Variants in COMMD10 observed in about 807,000 individuals in gnomAD.
COMMD10 encodes COMM domain-containing protein 10.
Under a neutral mutation model 28.9 loss-of-function variants are expected in COMMD10, and 33 were observed. That is an observed-to-expected ratio of 1.14 (90% CI 0.87 to 1.53). The LOEUF (loss-of-function observed/expected upper bound fraction) is 1.53. Ranked by LOEUF, COMMD10 falls within the 40% of genes most tolerant of loss-of-function variation. The pLI is 0.00. For synonymous variants in COMMD10, 110 were observed against 81.7 expected (o/e 1.35, Z -1.87); for missense variants, 310 against 233.4 (o/e 1.33, Z -2.14).
At position 116,195,266 on chromosome 5, in the gene COMMD10, ACCTACTCTC is replaced by A. The variant is rs375631215; in HGVS notation, c.510+61096_510+61104del. Among the ~76,000 whole-genome samples the A allele has an allele frequency of 1.6e-3, 236 of 152,224 alleles. 1 individual carries two copies. The highest frequency in any genetic ancestry group is 5.3e-3 in the African/African-American group (220 of 41,556). On this transcript the variant is annotated intron_variant, in intron 5 of 6. Transcript: ENST00000274458. ...CTGAGAACTGGAACAAGATAAGGATACCTACTCTCCCTACTCCTCTTCAGTATAGTACTG... is the reference window on the plus strand; with the variant it reads ...CTGAGAACTGGAACAAGATAAGGATACCTACTCCTCTTCAGTATAGTACTG...
chr5:116,182,440 T>C (rs1748001659), intron 5 of COMMD10, among the ~76,000 whole-genome samples: 1 of 151,856 alleles, frequency 6.6e-6, no homozygotes, highest in Non-Finnish European at 1.5e-5. Context: ...CTCAGCTGTT[T>C]TGAGAGAGTT....
intron 5 of COMMD10, among the ~76,000 whole-genome samples, chr5:116,199,882 CTTCTTCACTTTT>C (rs1748619761): frequency 6.6e-6 from 1 of 152,084 alleles, no homozygotes; most frequent in African/African-American, 2.4e-5. Flanking sequence ...GCCTGGCTTT[CTTCTTCACTTTT>C]AAAGGGTGAT....
intron 5 of COMMD10, among the ~76,000 whole-genome samples, chr5:116,229,575 A>G (rs1029612550): frequency 6.6e-6 from 1 of 152,010 alleles, no homozygotes; most frequent in Non-Finnish European, 1.5e-5. Flanking sequence ...GTTAGCTGCT[A>G]AAGGACTCAA....
intron 5 of COMMD10, among the ~76,000 whole-genome samples, chr5:116,241,104 A>G (rs1364293416): frequency 6.6e-6 from 1 of 152,196 alleles, no homozygotes; most frequent in Non-Finnish European, 1.5e-5. Context: ...TTCCATTCCT[A>G]GGTCACTTCA....
intron 5 of COMMD10, among the ~76,000 whole-genome samples, chr5:116,268,555 G>T (rs891189693): frequency 4.6e-5 from 7 of 151,866 alleles, no homozygotes. Context: ...ATTCCTCAAG[G>T]ATCTAGAACT....
At chr5:116,139,208 T>A (rs1221385774) in intron 5 of COMMD10, among the ~76,000 whole-genome samples, 15 of 151,806 alleles carry the variant, frequency 9.9e-5, no homozygotes, top group Admixed American at 9.9e-4. Flanking sequence ...ACTCTAGATT[T>A]AATTTTTCTT....
At chr5:116,249,633 A>C (rs1015330546) in intron 5 of COMMD10, among the ~76,000 whole-genome samples, 1 of 151,952 alleles carries the variant, frequency 6.6e-6, no homozygotes, top group Admixed American at 6.6e-5. Flanking sequence ...CTGAAAGATA[A>C]TGCTGGCACG....
chr5:116,272,008 A>G (rs1750772960), intron 5 of COMMD10, among the ~76,000 whole-genome samples: 2 of 151,872 alleles, frequency 1.3e-5, no homozygotes, highest in Admixed American at 1.3e-4. Flanking sequence ...CCCATGTTGT[A>G]TTCAGTCCTC....
chr5:116,244,660 C>CAAAAAAAAAAAAAAAAAAAAAAAA (rs60360733), intron 5 of COMMD10, among the ~76,000 whole-genome samples: 2 of 79,484 alleles, frequency 2.5e-5, no homozygotes, highest in Non-Finnish European at 6.0e-5. Flanking sequence ...AAAAAAATTA[C>CAAAAAAAAAAAAAAAAAAAAAAAA]AAAAAAAAAA....
chr5:116,267,822 A>C (rs531596502), intron 5 of COMMD10, among the ~76,000 whole-genome samples: 16 of 152,044 alleles, frequency 1.1e-4, no homozygotes, highest in East Asian at 1.9e-4. Flanking sequence ...GATCTTTGAC[A>C]AACCTGAGAA....
At chr5:116,201,032 T>A (rs926867236) in intron 5 of COMMD10, among the ~76,000 whole-genome samples, 3 of 152,142 alleles carry the variant, frequency 2.0e-5, no homozygotes, top group Non-Finnish European at 2.9e-5. Context: ...TCACAAGTGC[T>A]TCTCAGTTTT....
chr5:116,206,770 A>G (rs75683618), intron 5 of COMMD10, among the ~76,000 whole-genome samples: 2,285 of 152,326 alleles, frequency 0.015, 57 homozygotes, highest in African/African-American at 0.048. Flanking sequence ...TATGTACTCT[A>G]TGGAAGATAA....
intron 5 of COMMD10, among the ~76,000 whole-genome samples, chr5:116,222,156 T>C (rs754921964): frequency 6.6e-6 from 1 of 152,184 alleles, no homozygotes; most frequent in African/African-American, 2.4e-5. Flanking sequence ...TGAGATGAAA[T>C]TGTAACTTCT....
At chr5:116,291,341 T>C (rs1360522082) in intron 5 of COMMD10, among the ~76,000 whole-genome samples, 176 bp from the exon 6 acceptor site, 2 of 152,048 alleles carry the variant, frequency 1.3e-5, no homozygotes, top group Non-Finnish European at 2.9e-5. Context: ...TTTGCTAGAG[T>C]GTTATTAAGT....
chr5:116,111,026 A>T (rs991158095), intron 4 of COMMD10, among the ~76,000 whole-genome samples: 1 of 152,248 alleles, frequency 6.6e-6, no homozygotes, highest in East Asian at 1.9e-4. Flanking sequence ...TGTTTCCAGA[A>T]ATTTACCTAT....
At chr5:116,193,931 A>C (rs1748438650) in intron 5 of COMMD10, among the ~76,000 whole-genome samples, 1 of 152,180 alleles carries the variant, frequency 6.6e-6, no homozygotes, top group South Asian at 2.1e-4. Flanking sequence ...AATGAGCCTC[A>C]ATAAATTTAA....
chr5:116,092,958 G>A lies in COMMD10; in HGVS notation c.399+258G>A, dbSNP rs1020087903. On this transcript the variant is annotated intron_variant, in intron 4 of 6. Transcript: ENST00000274458. ...ATCACATGGCTGACTGGAAACTATC[G>A]CTCGCTGCCATTGCCCAGCATCATG... is the stretch of plus-strand genomic sequence containing the variant. Among the ~76,000 whole-genome samples, 3 of 152,176 alleles carry A rather than the reference G, an allele frequency of 2.0e-5. No individual in the cohort carries two copies. The East Asian group carries it at 5.8e-4, about 29-fold the overall frequency.
At chr5:116,255,383 C>T (rs1478849940) in intron 5 of COMMD10, among the ~76,000 whole-genome samples, 1 of 151,646 alleles carries the variant, frequency 6.6e-6, no homozygotes, top group Non-Finnish European at 1.5e-5. Flanking sequence ...GATGCAGTTT[C>T]TTCCTAGTCT....
chr5:116,171,127 T>G (rs868030601), intron 5 of COMMD10, among the ~76,000 whole-genome samples: 5 of 138,518 alleles, frequency 3.6e-5, no homozygotes, highest in Admixed American at 6.9e-5. Flanking sequence ...ATAACTTAAA[T>G]AAATTTACAT....
Sources: gnomAD v4.1 joint callset for allele counts (sites outside exome capture counted in the v4.1 genomes callset) on GRCh38, gnomAD v4.1.1 for gene constraint, MANE v1.5 for transcripts, NCBI Gene and HGNC (gene_info 2026-07-23, HGNC 2026-07-21) for gene names.